Variants in PPP1R1C observed in about 807,000 individuals in gnomAD.
PPP1R1C encodes protein phosphatase 1 regulatory subunit 1C.
A neutral mutation model predicts 17.4 loss-of-function variants in PPP1R1C; 15 were observed. The ratio of observed to expected loss-of-function variants is 0.86; its 90% CI spans 0.58 to 1.33. The LOEUF is 1.33. Ranked by LOEUF, PPP1R1C falls within the 40% of genes most tolerant of loss-of-function variation. The pLI, the probability that PPP1R1C is intolerant of heterozygous loss-of-function variation, is 0.00. For synonymous variants in PPP1R1C, 35 were observed against 43.1 expected (o/e 0.81, Z 0.73); for missense variants, 143 against 130.0 (o/e 1.10, Z -0.48).
intron 4 of PPP1R1C, among the ~76,000 whole-genome samples, chr2:182,116,435 G>C (rs1410140830): frequency 6.6e-6 from 1 of 152,142 alleles, no homozygotes; most frequent in Non-Finnish European, 1.5e-5. Context: ...AAGCTGACAC[G>C]AGAAGGGTGA....
At chr2:182,028,507 T>C (rs1201978423) in intron 2 of PPP1R1C, among the ~76,000 whole-genome samples, 1 of 152,200 alleles carries the variant, frequency 6.6e-6, no homozygotes, top group Non-Finnish European at 1.5e-5. Flanking sequence ...TCAGTTTCCA[T>C]GTAGTTGAGC....
intron 5 of PPP1R1C, among the ~76,000 whole-genome samples, chr2:182,126,656 G>T (rs1231042558): frequency 6.6e-6 from 1 of 152,014 alleles, no homozygotes; most frequent in Non-Finnish European, 1.5e-5. Flanking sequence ...CAACATGAAT[G>T]ATAGGTGCCT....
At chr2:182,099,390 G>C (rs1689035066) in intron 4 of PPP1R1C, among the ~76,000 whole-genome samples, 2 of 151,412 alleles carry the variant, frequency 1.3e-5, no homozygotes, top group African/African-American at 2.5e-5. Flanking sequence ...GAAAGAAGGA[G>C]GATGAAATTT....
chr2:182,075,661 T>C (rs1424398015), intron 4 of PPP1R1C, among the ~76,000 whole-genome samples: 1 of 152,244 alleles, frequency 6.6e-6, no homozygotes, highest in Admixed American at 6.5e-5. Flanking sequence ...CTATTTCTAT[T>C]GTAATGCATA....
rs1574354556 is a variant in PPP1R1C at position 181,987,876 on chromosome 2, T to C, written c.119T>C (p.Ile40Thr). The change falls in exon 2 of 5, where the codon ATT (isoleucine) becomes ACT (threonine). Residue 40 changes from isoleucine to threonine, a missense_variant. Transcript: ENST00000682840. Reference sequence around the variant, plus strand: ...AGACCTACACCAGCATCACTTGTGATTCTCAATGAGCATAACCCCCCAGGT... The same window carrying C: ...AGACCTACACCAGCATCACTTGTGACTCTCAATGAGCATAACCCCCCAGGT... ...KRRPTPASLVILNEHNPPEID... is the reference protein window; with the variant it reads ...KRRPTPASLVTLNEHNPPEID... The C allele has an allele frequency of 3.7e-6, 6 of 1,613,418 alleles. No individual in the cohort carries two copies. The highest frequency in any genetic ancestry group is 5.1e-6 in the Non-Finnish European group (6 of 1,179,534).
At chr2:182,106,692 T>C (rs567037240) in intron 4 of PPP1R1C, among the ~76,000 whole-genome samples, 1 of 152,314 alleles carries the variant, frequency 6.6e-6, no homozygotes, top group Admixed American at 6.5e-5. Flanking sequence ...CCATAAGGCA[T>C]GGGGCCTAAT....
chr2:181,974,715 C>T (rs1340989925), intron 1 of PPP1R1C, among the ~76,000 whole-genome samples: 1 of 152,184 alleles, frequency 6.6e-6, no homozygotes, highest in Non-Finnish European at 1.5e-5. Flanking sequence ...AAGACAGTCA[C>T]TTGGGGTTGG....
chr2:182,052,046 T>G (rs546893266), intron 2 of PPP1R1C, among the ~76,000 whole-genome samples: 110 of 152,256 alleles, frequency 7.2e-4, no homozygotes, highest in Non-Finnish European at 7.6e-4. Flanking sequence ...ATACTTAATA[T>G]TTTTGACAAA....
intron 2 of PPP1R1C, among the ~76,000 whole-genome samples, chr2:182,002,931 C>G (rs1440162481): frequency 8.9e-4 from 49 of 55,290 alleles, no homozygotes; most frequent in South Asian, 8.2e-3. Flanking sequence ...CCATAAACCT[C>G]CCCCCCCCCA....
Position 182,055,139 on chromosome 2 carries a change from G to A in PPP1R1C, c.143-6303G>A, listed in dbSNP as rs111670328. ...TTTATAATTCCATTTTGATGTATCT[G>A]TAACATTTCTGAGTGTATCTCTTTG... On this transcript the variant is annotated intron_variant, in intron 2 of 4. Coordinates refer to ENST00000682840, the MANE Select transcript of PPP1R1C (RefSeq NM_001080545.3). 4.7e-4 allele frequency among the ~76,000 whole-genome samples: 71 copies of A among 151,668 alleles called. 3 individuals carry two copies. Among genetic ancestry groups the A allele is most frequent in the African/African-American group, 1.7e-3 (69 of 41,306 alleles).
At chr2:182,124,340 T>TTTTTTTTTTTGTTG (rs1689820263) in intron 5 of PPP1R1C, among the ~76,000 whole-genome samples, 1 of 129,826 alleles carries the variant, frequency 7.7e-6, no homozygotes, top group African/African-American at 3.2e-5. Context: ...TTTTTTTTTG[T>TTTTTTTTTTTGTTG]TTTTTTTTTT....
intron 4 of PPP1R1C, among the ~76,000 whole-genome samples, chr2:182,077,151 GACCTCAAAGA>G (rs1210594452): frequency 6.6e-6 from 1 of 152,076 alleles, no homozygotes; most frequent in Non-Finnish European, 1.5e-5. Flanking sequence ...TCTCTTTTAT[GACCTCAAAGA>G]ACCTCAAAGA....
chr2:182,074,232 G>A (rs532860131), intron 4 of PPP1R1C, among the ~76,000 whole-genome samples: 2 of 151,684 alleles, frequency 1.3e-5, no homozygotes, highest in Admixed American at 1.3e-4. Context: ...TAGTAGAGAC[G>A]GGGTTTCACC....
intron 4 of PPP1R1C, among the ~76,000 whole-genome samples, chr2:182,112,395 C>T (rs912523142): frequency 6.6e-6 from 1 of 152,116 alleles, no homozygotes; most frequent in African/African-American, 2.4e-5. Flanking sequence ...ATGACAACCA[C>T]AATAACAAAA....
chr2:182,035,492 C>G (rs182233229), intron 2 of PPP1R1C, among the ~76,000 whole-genome samples: 66 of 152,158 alleles, frequency 4.3e-4, no homozygotes, highest in African/African-American at 1.5e-3. Flanking sequence ...TGTCCCCACC[C>G]AAATCTCATG....
At chr2:182,123,062 T>C (rs1249246165) in intron 5 of PPP1R1C, among the ~76,000 whole-genome samples, 1 of 152,202 alleles carries the variant, frequency 6.6e-6, no homozygotes, top group African/African-American at 2.4e-5. Context: ...GCCCATATGT[T>C]CTCATTGTCT....
rs1291242593 is a variant in PPP1R1C, at chr2:181,992,863, A to G, written c.142+4964A>G. Reference sequence around the variant, plus strand: ...TTAGTTAATAGGAGACATAAGAGATATATGATACTAAATATAATACTATCT... The same window carrying G: ...TTAGTTAATAGGAGACATAAGAGATGTATGATACTAAATATAATACTATCT... On this transcript the variant is annotated intron_variant, in intron 2 of 4. Transcript: ENST00000682840. 2.6e-5 allele frequency among the ~76,000 whole-genome samples: 2 copies of G among 77,074 alleles called. 1 individual carries two copies. The highest frequency in any genetic ancestry group is 6.3e-5 in the Non-Finnish European group (2 of 31,720). 50.6% of individuals were successfully genotyped at this position (77,074 alleles called of 152,430 possible). A position where few individuals can be genotyped will look rare whatever the true frequency, so the allele number is the denominator to read the frequency against.
Position 181,961,865 on chromosome 2 carries a change from G to A in PPP1R1C, n.111+7231G>A. 1 of 850,356 alleles carries A rather than the reference G, an allele frequency of 1.2e-6. No individual in the cohort carries two copies. The highest frequency in any genetic ancestry group is 2.0e-6 in the Non-Finnish European group (1 of 498,328). 52.7% of individuals were successfully genotyped at this position (850,356 alleles called of 1,614,324 possible). A position where few individuals can be genotyped will look rare whatever the true frequency, so the allele number is the denominator to read the frequency against. ...TTCATGAAGAGCAGCTCCTCCTTGA[G>A]AGCCTCCATCTCTGTCTCCAGTGGC... On this transcript the variant is annotated intron_variant and non_coding_transcript_variant, in intron 1 of 5. Transcript: ENST00000464264. This position sits in a 1 kb window ranked among gnomAD's most constrained non-coding sequence, Gnocchi z 5.8.
intron 1 of PPP1R1C, chr2:181,954,728 C>G (rs916286983): frequency 6.6e-6 from 1 of 152,158 alleles, no homozygotes; most frequent in East Asian, 1.9e-4. Context: ...TGATCAGGAG[C>G]TGGGCTCTGG....
Sources: allele counts gnomAD v4.1 joint callset (sites outside exome capture counted in the v4.1 genomes callset), GRCh38; gene constraint gnomAD v4.1.1; non-coding constraint Gnocchi (gnomAD v3.1); transcripts MANE v1.5; gene names NCBI Gene and HGNC (gene_info 2026-07-23, HGNC 2026-07-21).